Variants in LRPPRC observed in about 807,000 individuals in gnomAD.
LRPPRC encodes leucine rich pentatricopeptide repeat containing.
LRPPRC carries 120 observed loss-of-function variants against 180.3 expected under a neutral mutation model. The ratio of observed to expected loss-of-function variants is 0.67; its 90% CI spans 0.57 to 0.77. The LOEUF (loss-of-function observed/expected upper bound fraction) is 0.77. Among genes scored for constraint, LRPPRC ranks in the 30% least tolerant of loss-of-function variants. LRPPRC has a pLI of 0.00. For missense variants in LRPPRC, 2,012 were observed against 1,657.2 expected (o/e 1.21, Z -3.72); for synonymous variants, 723 against 600.0 (o/e 1.21, Z -3.00).
At chr2:43,947,896 T>G in intron 18 of LRPPRC, 121 bp from the exon 19 acceptor site, 1 of 728,246 alleles carries the variant, frequency 1.4e-6, no homozygotes, top group Non-Finnish European at 2.5e-6. Flanking sequence ...TTCCAAAATT[T>G]TAGACATTCT....
intron 1 of LRPPRC, among the ~76,000 whole-genome samples, chr2:43,994,234 A>C (rs1305530632): frequency 1.3e-5 from 2 of 152,268 alleles, no homozygotes; most frequent in African/African-American, 4.8e-5. Context: ...GTTCAAGCCC[A>C]ATAAGAAAAT....
chr2:43,932,428 T>C (rs922144540), intron 25 of LRPPRC, among the ~76,000 whole-genome samples: 5 of 152,146 alleles, frequency 3.3e-5, no homozygotes, highest in African/African-American at 1.2e-4. Flanking sequence ...TGACTTGTAG[T>C]ATTCTTTCTG....
chr2:43,963,860 T>C (rs935138085), intron 11 of LRPPRC, 154 bp from the exon 12 acceptor site: 4 of 662,542 alleles, frequency 6.0e-6, no homozygotes, highest in African/African-American at 5.4e-5. Flanking sequence ...CACTGTGAGA[T>C]ACAATGATAA....
chr2:43,994,460 T>C (rs1674929725), intron 1 of LRPPRC, among the ~76,000 whole-genome samples: 1 of 152,236 alleles, frequency 6.6e-6, no homozygotes, highest in African/African-American at 2.4e-5. Context: ...TTAATACAGA[T>C]AATTCTGCAA....
At chr2:43,948,591 A>G in intron 16 of LRPPRC, 73 bp from the exon 17 acceptor site, 1 of 830,840 alleles carries the variant, frequency 1.2e-6, no homozygotes, top group Non-Finnish European at 2.1e-6. Flanking sequence ...TTAATTTATA[A>G]GAAATCATTT....
chr2:43,993,863 T>C (rs1674898405), intron 1 of LRPPRC, among the ~76,000 whole-genome samples: 1 of 151,848 alleles, frequency 6.6e-6, no homozygotes, highest in African/African-American at 2.4e-5. Context: ...TGAAGAGACA[T>C]TTGAGATCTG....
chr2:43,889,588 T>C, intron 37 of LRPPRC, 146 bp downstream of exon 37: 1 of 741,630 alleles, frequency 1.3e-6, no homozygotes, highest in Non-Finnish European at 2.4e-6. Context: ...GGCATGCTGC[T>C]CAGTCCCTCA....
In LRPPRC at chr2:43,924,996, C is replaced by G. The variant is rs1347510719; in HGVS notation, c.2896+71G>C. 3 of 934,348 alleles carry G rather than the reference C, an allele frequency of 3.2e-6. No individual in the cohort carries two copies. The African/African-American group carries it at 4.8e-5, about 15-fold the overall frequency. 57.9% of individuals were successfully genotyped at this position (934,348 alleles called of 1,614,324 possible). A position where few individuals can be genotyped will look rare whatever the true frequency, so the allele number is the denominator to read the frequency against. On this transcript the variant is annotated intron_variant, in intron 27 of 37. Transcript: ENST00000260665. ...GACAATCCCTGGAGCTCCCTCAAAA[C>G]CAAATACTCCTTTCCTGCCACTGCC... is the stretch of plus-strand genomic sequence containing the variant.
chr2:43,949,627 A>G lies in LRPPRC; in HGVS notation c.1710T>C (p.Tyr570=), dbSNP rs775495843. 1.9e-6 allele frequency: 3 copies of G among 1,614,044 alleles called. No homozygotes were observed. Among genetic ancestry groups the G allele is most frequent in the East Asian group, 2.2e-5 (1 of 44,874 alleles). The change falls in exon 16 of 38, where the codon TAT becomes TAC. Residue 570 remains tyrosine (Y), a synonymous_variant. Transcript: ENST00000260665. ...CCGTCGGTCCTCGAGGCTCCTGGCA[A>G]TAACGTCCATCCTTGTACAACAATT... is the stretch of plus-strand genomic sequence containing the variant. The part of the protein sequence containing the change: ...ITELLYKDGR[Y]CQEPRGPTEA...
chr2:43,978,576 T>C (rs1674161138), intron 3 of LRPPRC, among the ~76,000 whole-genome samples: 1 of 152,118 alleles, frequency 6.6e-6, no homozygotes, highest in African/African-American at 2.4e-5. Flanking sequence ...TTTCTAATTT[T>C]TAGAGATTCA....
chr2:43,956,361 G>C (rs1673114238), intron 14 of LRPPRC, among the ~76,000 whole-genome samples: 1 of 152,128 alleles, frequency 6.6e-6, no homozygotes, highest in African/African-American at 2.4e-5. Context: ...AATTTTTTCA[G>C]AGTGATACTG....
chr2:43,996,046 G>T, upstream of LRPPRC: 1 of 1,295,434 alleles, frequency 7.7e-7, no homozygotes, highest in Non-Finnish European at 1.1e-6. Flanking sequence ...CAACTGCCGG[G>T]CGTGCCAAAT....
chr2:43,893,622 AAC>A (rs1670575487), intron 36 of LRPPRC, among the ~76,000 whole-genome samples: 1 of 152,232 alleles, frequency 6.6e-6, no homozygotes, highest in South Asian at 2.1e-4. Context: ...CTATGGTGTA[AAC>A]ATAACTTTTA....
intron 2 of LRPPRC, among the ~76,000 whole-genome samples, chr2:43,980,653 A>G (rs1476454038): frequency 6.6e-6 from 1 of 152,156 alleles, no homozygotes; most frequent in African/African-American, 2.4e-5. Flanking sequence ...TAGAAAAGTT[A>G]GGTTCATAAT....
chr2:43,889,337 AAAG>A (rs1334205334), intron 37 of LRPPRC, among the ~76,000 whole-genome samples: 1 of 149,444 alleles, frequency 6.7e-6, no homozygotes, highest in Non-Finnish European at 1.5e-5. Context: ...AAAAAAAAAA[AAAG>A]GCAAAATTTC....
intron 27 of LRPPRC, among the ~76,000 whole-genome samples, chr2:43,924,754 T>C (rs974720154): frequency 1.3e-5 from 2 of 152,232 alleles, no homozygotes; most frequent in Non-Finnish European, 2.9e-5. Context: ...TAAATTTACC[T>C]GAAGGTTTAA....
chr2:43,922,823 A>C (rs1185174801), intron 27 of LRPPRC, among the ~76,000 whole-genome samples: 1 of 152,232 alleles, frequency 6.6e-6, no homozygotes, highest in Non-Finnish European at 1.5e-5. Context: ...TGAAGGCAAA[A>C]TGCAGAAGGG....
intron 25 of LRPPRC, among the ~76,000 whole-genome samples, chr2:43,927,462 T>G (rs1245794741): frequency 6.6e-6 from 1 of 152,218 alleles, no homozygotes; most frequent in Non-Finnish European, 1.5e-5. Flanking sequence ...AATTAGTCAT[T>G]GAAATACAGT....
At chr2:43,981,896 C>G (rs1674323581) in intron 2 of LRPPRC, among the ~76,000 whole-genome samples, 1 of 142,482 alleles carries the variant, frequency 7.0e-6, no homozygotes, top group Non-Finnish European at 1.5e-5. Flanking sequence ...TTGCACCAAC[C>G]TAAATTTAAG....
Sources: gnomAD v4.1 joint callset for allele counts (sites outside exome capture counted in the v4.1 genomes callset) on GRCh38, gnomAD v4.1.1 for gene constraint, MANE v1.5 for transcripts, NCBI Gene and HGNC (gene_info 2026-07-23, HGNC 2026-07-21) for gene names.